Variants in ABCB11 observed in about 807,000 individuals in gnomAD.
The protein encoded by ABCB11 is bile salt export pump.
In ABCB11, 95 loss-of-function variants were observed where a neutral mutation model predicts 148.0. The observed-to-expected ratio is 0.64, with a 90% CI of 0.54 to 0.76. ABCB11 has a LOEUF of 0.76. Among genes scored for constraint, ABCB11 ranks in the 30% least tolerant of loss-of-function variants. The pLI, the probability that ABCB11 is intolerant of heterozygous loss-of-function variation, is 0.00. For synonymous variants in ABCB11, 591 were observed against 555.4 expected, an observed-to-expected ratio of 1.06 and a Z score of -0.90; for missense variants, 1,523 against 1,617.8, an observed-to-expected ratio of 0.94 and a Z score of 1.01.
At chr2:169,029,340 C>T (rs1221343451) in intron 1 of ABCB11, among the ~76,000 whole-genome samples, 1 of 151,382 alleles carries the variant, frequency 6.6e-6, no homozygotes, top group African/African-American at 2.4e-5. Context: ...AGGTAGGATA[C>T]TTTTGTTATT....
At chr2:168,970,273 G>T in intron 14 of ABCB11, 58 bp from the exon 15 acceptor site, 1 of 1,571,010 alleles carries the variant, frequency 6.4e-7, no homozygotes, top group South Asian at 1.2e-5. Context: ...TTCTGACAGT[G>T]ATCCACTATA....
intron 5 of ABCB11, among the ~76,000 whole-genome samples, chr2:169,011,321 G>T (rs556468187): frequency 6.6e-5 from 10 of 152,248 alleles, no homozygotes; most frequent in African/African-American, 1.9e-4. Flanking sequence ...AGGGGAGAAT[G>T]ATTAATCTTA....
chr2:168,989,799 T>C (rs774743384), intron 9 of ABCB11, among the ~76,000 whole-genome samples: 13 of 152,130 alleles, frequency 8.5e-5, no homozygotes, highest in Non-Finnish European at 1.3e-4. Flanking sequence ...ACCTAATTTG[T>C]TGAGAGTTTC....
chr2:168,936,036 T>C (rs1691804166), intron 22 of ABCB11, among the ~76,000 whole-genome samples, 194 bp downstream of exon 22: 1 of 152,234 alleles, frequency 6.6e-6, no homozygotes, highest in Non-Finnish European at 1.5e-5. Flanking sequence ...CACTGGCTCA[T>C]ACTCAGAGTC....
At chr2:169,001,778 G>C (rs1305609838) in intron 5 of ABCB11, among the ~76,000 whole-genome samples, 1 of 152,058 alleles carries the variant, frequency 6.6e-6, no homozygotes, top group Non-Finnish European at 1.5e-5. Flanking sequence ...GCACTCATTG[G>C]GGTTTCCAGT....
chr2:169,030,944 C>T (rs1013745616), intron 1 of ABCB11, among the ~76,000 whole-genome samples: 2 of 152,064 alleles, frequency 1.3e-5, no homozygotes, highest in African/African-American at 4.8e-5. Context: ...ATCTATTCGG[C>T]CATTTGTACC....
At chr2:168,970,990 C>G (rs1048198257) in intron 14 of ABCB11, among the ~76,000 whole-genome samples, 1 of 151,970 alleles carries the variant, frequency 6.6e-6, no homozygotes, top group Non-Finnish European at 1.5e-5. Flanking sequence ...AACTACTAGG[C>G]TATATCATAG....
chr2:169,000,520 G>A (rs1213387198), intron 5 of ABCB11, among the ~76,000 whole-genome samples: 1 of 152,042 alleles, frequency 6.6e-6, no homozygotes, highest in African/African-American at 2.4e-5. Context: ...ACAGCCATTT[G>A]ATAAAAAGCT....
chr2:168,946,778 T>C lies in ABCB11; in HGVS notation c.2344-1817A>G, dbSNP rs189500690. ...TGTTCAAGTTCATTAAGCTAGTGGT[T>C]ATTACTAGATAAGAAAATGCCTGTT... On this transcript the variant is annotated intron_variant, in intron 19 of 27. Transcript: ENST00000650372. Among the ~76,000 whole-genome samples, 518 of 151,902 alleles carry C rather than the reference T, an allele frequency of 3.4e-3. 12 individuals carry two copies. Among genetic ancestry groups the C allele is most frequent in the Admixed American group, 0.031 (468 of 15,204 alleles).
intron 3 of ABCB11, among the ~76,000 whole-genome samples, chr2:169,016,572 C>T (rs1695362520): frequency 6.6e-6 from 1 of 152,126 alleles, no homozygotes. Flanking sequence ...ACAGAGGGGA[C>T]ATTTGAACCT....
intron 27 of ABCB11, 108 bp downstream of exon 27, chr2:168,924,549 A>T: frequency 9.2e-7 from 1 of 1,087,164 alleles, no homozygotes; most frequent in Non-Finnish European, 1.3e-6. Flanking sequence ...GCCAATTTCT[A>T]CTGTTAACGA....
chr2:168,950,613 C>T (rs1692521277), intron 19 of ABCB11, among the ~76,000 whole-genome samples: 1 of 151,522 alleles, frequency 6.6e-6, no homozygotes, highest in Admixed American at 6.6e-5. Flanking sequence ...TGTCCTTCAC[C>T]TACCTTTTAA....
rs1692235426 is a variant in ABCB11 at position 168,944,972 on chromosome 2, T to C, written c.2344-11A>G. ...AGGAATTGAAAAAGTCTTGGAAAGA[T>C]AGTAAACAAGAAAGTAACTTTATTA... On this transcript the variant is annotated splice_polypyrimidine_tract_variant and intron_variant, in intron 19 of 27. Coordinates refer to ENST00000650372, the MANE Select transcript of ABCB11 (RefSeq NM_003742.4). The C allele has an allele frequency of 2.0e-6, 3 of 1,495,578 alleles. No homozygotes were observed. Among genetic ancestry groups the C allele is most frequent in the African/African-American group, 2.8e-5 (2 of 70,752 alleles). 92.6% of individuals were successfully genotyped at this position (1,495,578 alleles called of 1,614,324 possible).
intron 26 of ABCB11, among the ~76,000 whole-genome samples, chr2:168,926,492 C>A (rs1481667775): frequency 3.3e-5 from 5 of 152,184 alleles, no homozygotes; most frequent in African/African-American, 1.2e-4. Context: ...AGTGGCAAAG[C>A]TTGGATGCAA....
rs767874224 is a variant in ABCB11 at position 168,935,368 on chromosome 2, GC to G, written c.2871del (p.Arg957SerfsTer50). ...TCAGTCTCAAGTGCTTCAATGAACC[GC>G]CTCTCCTTTCCAATTCCAGCAACAG... ...IRTVAGIGKE[R>X]RFIEALETEL... On this transcript the variant is annotated frameshift_variant, in exon 23 of 28. Transcript: ENST00000650372. LOFTEE classifies it high-confidence loss of function. 1 of 1,613,958 alleles carries G rather than the reference GC, an allele frequency of 6.2e-7. No individual in the cohort carries two copies. The highest frequency in any genetic ancestry group is 8.5e-7 in the Non-Finnish European group (1 of 1,179,872).
intron 23 of ABCB11, among the ~76,000 whole-genome samples, chr2:168,932,965 T>G (rs563234488): frequency 6.6e-6 from 1 of 151,650 alleles, no homozygotes; most frequent in Non-Finnish European, 1.5e-5. Context: ...AAAAATTAGC[T>G]GGGCGTGGTG....
chr2:168,941,156 T>G (rs1002770213), intron 21 of ABCB11, among the ~76,000 whole-genome samples: 11 of 151,950 alleles, frequency 7.2e-5, no homozygotes, highest in Non-Finnish European at 1.6e-4. Context: ...AGAAGTAACA[T>G]TTTACAAGGC....
intron 4 of ABCB11, among the ~76,000 whole-genome samples, chr2:169,013,743 C>A (rs1034062578): frequency 3.3e-5 from 5 of 152,114 alleles, no homozygotes; most frequent in African/African-American, 1.2e-4. Context: ...TATAAATTTC[C>A]TGCTCTCTGA....
intron 14 of ABCB11, chr2:168,970,627 T>C (rs1693544288): frequency 3.2e-6 from 1 of 312,914 alleles, no homozygotes. Flanking sequence ...GAATAAAAGG[T>C]CAAACTAGCT....
Sources: gnomAD v4.1 joint callset for allele counts (sites outside exome capture counted in the v4.1 genomes callset) on GRCh38, gnomAD v4.1.1 for gene constraint, MANE v1.5 for transcripts, NCBI Gene and HGNC (gene_info 2026-07-23, HGNC 2026-07-21) for gene names.